KCNK1: variants seen among roughly 807,000 people sequenced by gnomAD.
The protein encoded by KCNK1 is potassium two pore domain channel subfamily K member 1.
A neutral mutation model predicts 22.2 loss-of-function variants in KCNK1; 10 were observed. That is an observed-to-expected ratio of 0.45 (90% CI 0.28 to 0.76). The LOEUF (loss-of-function observed/expected upper bound fraction) is 0.76. KCNK1 is among the 30% of genes least tolerant of loss of function. The pLI, the probability that KCNK1 is intolerant of heterozygous loss-of-function variation, is 0.14. For missense variants in KCNK1, 378 were observed against 421.0 expected (o/e 0.90, Z 0.89); for synonymous variants, 200 against 186.4 (o/e 1.07, Z -0.60).
chr1:233,628,984 G>A (rs535657003), intron 1 of KCNK1, among the ~76,000 whole-genome samples: 284 of 152,104 alleles, frequency 1.9e-3, no homozygotes, highest in African/African-American at 5.9e-3. Context: ...TCTAGATTTC[G>A]GTTGCTTCAG....
chr1:233,648,707 C>T (rs914087210), intron 1 of KCNK1, among the ~76,000 whole-genome samples: 1 of 152,070 alleles, frequency 6.6e-6, no homozygotes, highest in African/African-American at 2.4e-5. Flanking sequence ...GCTGGGATTA[C>T]AGACGCGCAC....
At chr1:233,617,008 C>T (rs1157070008) in intron 1 of KCNK1, among the ~76,000 whole-genome samples, 1 of 151,630 alleles carries the variant, frequency 6.6e-6, no homozygotes, top group Non-Finnish European at 1.5e-5. Flanking sequence ...GAGTTGCAAT[C>T]GCTTTTCGTT....
intron 1 of KCNK1, among the ~76,000 whole-genome samples, chr1:233,650,920 G>T (rs557977895): frequency 6.6e-6 from 1 of 152,332 alleles, no homozygotes; most frequent in South Asian, 2.1e-4. Context: ...AGCCTTAGCA[G>T]GTGGCTGCTC....
chr1:233,639,945 T>A (rs568238163), intron 1 of KCNK1, among the ~76,000 whole-genome samples: 1 of 152,312 alleles, frequency 6.6e-6, no homozygotes, highest in East Asian at 1.9e-4. Flanking sequence ...CATTGGGACA[T>A]ATAGAAAAGA....
At chr1:233,646,408 A>C (rs615625) in intron 1 of KCNK1, among the ~76,000 whole-genome samples, 26,672 of 152,100 alleles carry the variant, frequency 0.18, 2,460 homozygotes, top group Middle Eastern at 0.29. Flanking sequence ...ATTTAAAGGC[A>C]TGGATCTAGA....
chr1:233,618,974 G>T (rs1479996374), intron 1 of KCNK1, among the ~76,000 whole-genome samples: 1 of 152,116 alleles, frequency 6.6e-6, no homozygotes, highest in East Asian at 1.9e-4. Context: ...TTGCTGCTTT[G>T]TAAATGTGGG....
At chr1:233,635,931 T>A (rs982857133) in intron 1 of KCNK1, among the ~76,000 whole-genome samples, 2 of 152,226 alleles carry the variant, frequency 1.3e-5, no homozygotes, top group African/African-American at 2.4e-5. Flanking sequence ...TACAGTGACT[T>A]GGGTAGGCTT....
chr1:233,667,320 G>A (rs1476839853), intron 2 of KCNK1, among the ~76,000 whole-genome samples: 1 of 152,044 alleles, frequency 6.6e-6, no homozygotes, highest in African/African-American at 2.4e-5. Flanking sequence ...TCATTTTATG[G>A]TTTCCTTCAA....
chr1:233,619,924 CG>C (rs1222529217), intron 1 of KCNK1, among the ~76,000 whole-genome samples: 6 of 8,294 alleles, frequency 7.2e-4, no homozygotes, highest in African/African-American at 1.6e-3. Context: ...GCGAGGGGGG[CG>C]GGGGGGCGGG....
At chr1:233,670,576 G>A (rs1168069018) in intron 2 of KCNK1, among the ~76,000 whole-genome samples, 1 of 152,168 alleles carries the variant, frequency 6.6e-6, no homozygotes, top group African/African-American at 2.4e-5. Flanking sequence ...CAGGCAAAGA[G>A]AGAGAGAATG....
intron 1 of KCNK1, among the ~76,000 whole-genome samples, chr1:233,657,704 TAAAGAAA>T (rs1221597337): frequency 6.7e-6 from 1 of 150,048 alleles, no homozygotes; most frequent in East Asian, 2.0e-4. Flanking sequence ...GAAAGAGAAA[TAAAGAAA>T]GAAAGAGAGA....
intron 1 of KCNK1, among the ~76,000 whole-genome samples, chr1:233,645,772 A>G (rs1194602696): frequency 1.3e-5 from 2 of 152,188 alleles, no homozygotes; most frequent in Non-Finnish European, 2.9e-5. Context: ...GGGGGAAATA[A>G]CAGAAGCTGA....
At chr1:233,650,930 C>G (rs1022403408) in intron 1 of KCNK1, among the ~76,000 whole-genome samples, 7 of 152,150 alleles carry the variant, frequency 4.6e-5, no homozygotes, top group African/African-American at 1.7e-4. Flanking sequence ...GGTGGCTGCT[C>G]TGAGTTCCTG....
chr1:233,671,193 G>A lies in KCNK1; in HGVS notation c.752-78G>A, dbSNP rs973637160. 73 of 1,287,062 alleles carry A rather than the reference G, an allele frequency of 5.7e-5. No homozygotes were observed. The Admixed American group carries it at 1.3e-3, about 22-fold the overall frequency. The allele number at this position is 1,287,062 out of a possible 1,614,324, so 79.7% of individuals were successfully genotyped here. A position where few individuals can be genotyped will look rare whatever the true frequency, so the allele number is the denominator to read the frequency against. On this transcript the variant is annotated intron_variant, in intron 2 of 2. Coordinates refer to ENST00000366621, the MANE Select transcript of KCNK1 (RefSeq NM_002245.4). The stretch of plus-strand genomic sequence containing the variant: ...CTTAACAAACACTGTGTTGGCATGA[G>A]GTGGGGAGGTAAATCACTCGCTACT...
chr1:233,617,291 T>C (rs1430585000), intron 1 of KCNK1, among the ~76,000 whole-genome samples: 1 of 152,220 alleles, frequency 6.6e-6, no homozygotes, highest in Non-Finnish European at 1.5e-5. Flanking sequence ...AAAGTCTTCA[T>C]GGTCTACTTG....
intron 1 of KCNK1, among the ~76,000 whole-genome samples, chr1:233,620,954 A>G (rs1466656736): frequency 6.6e-6 from 1 of 152,220 alleles, no homozygotes; most frequent in African/African-American, 2.4e-5. Flanking sequence ...TATAGGTATC[A>G]TTGTCTTCAC....
chr1:233,624,049 C>T (rs1429413325), intron 1 of KCNK1: 1 of 152,994 alleles, frequency 6.5e-6, no homozygotes, highest in African/African-American at 2.4e-5. Flanking sequence ...GTTGGAGGCT[C>T]CAGTTGTTTA....
Position 233,671,649 on chromosome 1 carries a change from A to G in KCNK1, c.*119A>G. On this transcript the variant is annotated 3_prime_UTR_variant, in exon 3 of 3. Coordinates refer to ENST00000366621, the MANE Select transcript of KCNK1 (RefSeq NM_002245.4). ...AATTATGTCACTTTAAGAAATAGCT[A>G]CTGTTTGCAATGTCTTATTAAAAAA... 1.7e-6 allele frequency: 2 copies of G among 1,171,618 alleles called. No homozygotes were observed. The highest frequency in any genetic ancestry group is 3.1e-5 in the South Asian group (2 of 65,072). The allele number at this position is 1,171,618 out of a possible 1,614,324, so 72.6% of individuals were successfully genotyped here. A position where few individuals can be genotyped will look rare whatever the true frequency, so the allele number is the denominator to read the frequency against.
At chr1:233,668,671 T>TC (rs1289331744) in intron 2 of KCNK1, among the ~76,000 whole-genome samples, 9 of 152,130 alleles carry the variant, frequency 5.9e-5, no homozygotes, top group African/African-American at 2.2e-4. Flanking sequence ...AATGGCACGA[T>TC]CTCAGCTCAC....
Sources: gnomAD v4.1 joint callset for allele counts (sites outside exome capture counted in the v4.1 genomes callset) on GRCh38, gnomAD v4.1.1 for gene constraint, MANE v1.5 for transcripts, NCBI Gene and HGNC (gene_info 2026-07-23, HGNC 2026-07-21) for gene names.